The following NELL2 variants were observed in gnomAD, a reference collection of about 807,000 sequenced individuals.
NELL2 encodes the protein protein kinase C-binding protein NELL2.
In NELL2, 41 loss-of-function variants were observed where a neutral mutation model predicts 109.6. That is an observed-to-expected ratio of 0.37 (90% CI 0.29 to 0.49). The LOEUF is 0.49. Ranked by LOEUF, NELL2 falls within the 20% of genes least tolerant of loss-of-function variation. The pLI is 0.98. For missense variants in NELL2, 900 were observed against 1,008.3 expected (o/e 0.89, Z 1.45); for synonymous variants, 355 against 344.7 (o/e 1.03, Z -0.33).
At chr12:44,733,151 T>G (rs2136477791) in intron 9 of NELL2, among the ~76,000 whole-genome samples, 1 of 152,102 alleles carries the variant, frequency 6.6e-6, no homozygotes, top group South Asian at 2.1e-4. Flanking sequence ...GCATAGAGGT[T>G]CCTCAAAAAA....
intron 2 of NELL2, among the ~76,000 whole-genome samples, chr12:44,872,105 T>C (rs1347394020): frequency 6.6e-6 from 1 of 152,162 alleles, no homozygotes; most frequent in Non-Finnish European, 1.5e-5. Flanking sequence ...ATTATGATCA[T>C]TATCTTGGGG....
chr12:44,613,451 T>C (rs1945700860), intron 13 of NELL2, among the ~76,000 whole-genome samples: 1 of 152,168 alleles, frequency 6.6e-6, no homozygotes, highest in African/African-American at 2.4e-5. Context: ...GTTTGCTCAA[T>C]TGTAGACTAC....
chr12:44,879,620 C>T (rs1478213100), upstream of NELL2, among the ~76,000 whole-genome samples: 4 of 151,842 alleles, frequency 2.6e-5, no homozygotes, highest in East Asian at 1.9e-4. Context: ...CAGACTCTAT[C>T]GGGACCCTAA....
intron 5 of NELL2, 21 bp from the exon 6 acceptor site, chr12:44,777,335 A>C (rs746014168): frequency 6.3e-7 from 1 of 1,597,952 alleles, no homozygotes; most frequent in East Asian, 2.2e-5. Flanking sequence ...AAAATAGAAA[A>C]AAAAGACATA....
chr12:44,511,804 C>T (rs946482053), intron 19 of NELL2, among the ~76,000 whole-genome samples: 1 of 152,088 alleles, frequency 6.6e-6, no homozygotes, highest in Non-Finnish European at 1.5e-5. Context: ...TTCTATCTCT[C>T]ACCACCTATA....
At chr12:44,591,933 C>T (rs537373719) in intron 15 of NELL2, among the ~76,000 whole-genome samples, 46 of 151,984 alleles carry the variant, frequency 3.0e-4, no homozygotes, top group Non-Finnish European at 6.0e-4. Flanking sequence ...AGATTAATAA[C>T]AATACAAGGT....
At chr12:44,701,670 C>T (rs1166690420) in intron 12 of NELL2, among the ~76,000 whole-genome samples, 2 of 152,134 alleles carry the variant, frequency 1.3e-5, no homozygotes, top group Non-Finnish European at 2.9e-5. Flanking sequence ...ACTTTCAAAA[C>T]GTACTATGAA....
At chr12:44,878,229 C>T (rs1405650007), upstream of NELL2, among the ~76,000 whole-genome samples, 1 of 152,116 alleles carries the variant, frequency 6.6e-6, no homozygotes, top group Admixed American at 6.6e-5. Flanking sequence ...CACACTGAGG[C>T]TCCCTCCAGA....
intron 15 of NELL2, among the ~76,000 whole-genome samples, chr12:44,570,731 G>A (rs1943835753): frequency 6.6e-6 from 1 of 152,066 alleles, no homozygotes; most frequent in South Asian, 2.1e-4. Flanking sequence ...ATAATACTCT[G>A]TTCATCTCTC....
intron 13 of NELL2, among the ~76,000 whole-genome samples, chr12:44,631,423 T>A (rs1286708877): frequency 6.6e-6 from 1 of 152,042 alleles, no homozygotes; most frequent in African/African-American, 2.4e-5. Context: ...ATACTGATAT[T>A]ATATTTGTGG....
At chr12:44,693,967 G>T (rs1289704895) in intron 12 of NELL2, among the ~76,000 whole-genome samples, 1 of 152,160 alleles carries the variant, frequency 6.6e-6, no homozygotes, top group African/African-American at 2.4e-5. Flanking sequence ...TTGGTTGAAT[G>T]GATAGATGAA....
rs555114140 is a variant in NELL2, at chr12:44,745,111, G to A, written c.994+29636C>T. On this transcript the variant is annotated intron_variant, in intron 9 of 19. Coordinates refer to ENST00000429094, the MANE Select transcript of NELL2 (RefSeq NM_001145108.2). ...ATCGAAAAGCTTATCCACCATAATC[G>A]AGTGGGCTTCATCCCTGGGATGCAA... Among the ~76,000 whole-genome samples, 18 of 152,146 alleles carry A rather than the reference G, an allele frequency of 1.2e-4. No homozygotes were observed. In the South Asian group the frequency reaches 1.9e-3, roughly 16 times the overall value.
At chr12:44,836,405 AG>A (rs980853985) in intron 2 of NELL2, among the ~76,000 whole-genome samples, 5 of 152,232 alleles carry the variant, frequency 3.3e-5, no homozygotes, top group African/African-American at 1.2e-4. Context: ...CTTGGCCTCC[AG>A]GTGAAACCAC....
At chr12:44,747,990 C>A (rs73277251) in intron 9 of NELL2, among the ~76,000 whole-genome samples, 1 of 152,092 alleles carries the variant, frequency 6.6e-6, no homozygotes, top group Non-Finnish European at 1.5e-5. Context: ...GCATCAGAGT[C>A]CAGGCTTTTA....
Position 44,521,992 on chromosome 12 carries a change from A to C in NELL2, c.2175+8T>G. On this transcript the variant is annotated splice_region_variant and intron_variant, in intron 18 of 19. Transcript: ENST00000429094. ...AATTTTCTTTCCACTTCATGTAGCT[A>C]AATTTACCAAGCAGCGGCACTGTTG... 1 of 1,611,542 alleles carries C rather than the reference A, an allele frequency of 6.2e-7. No homozygotes were observed.
Position 44,532,635 on chromosome 12 carries a change from T to G in NELL2, c.1750A>C (p.Arg584=). ...ATCCCATTGTCATGGTAGCCATCTC[T>G]GCACTCACAGTGGTACCATCCAGGC... ...NLPGWYHCEC[R]DGYHDNGMFS... Residue 584 remains arginine (R), a synonymous_variant, in exon 16 of 20, where the codon AGA becomes CGA. Transcript: ENST00000429094. The G allele has an allele frequency of 6.2e-7, 1 of 1,613,736 alleles. No homozygotes were observed. Among genetic ancestry groups the G allele is most frequent in the South Asian group, 1.1e-5 (1 of 91,068 alleles).
rs536227913 is a variant in NELL2 at position 44,592,554 on chromosome 12, T to C, written c.1663+14615A>G. On this transcript the variant is annotated intron_variant, in intron 15 of 19. Transcript: ENST00000429094. ...AGAGAGGAAATGTAAAGATGTGAAA[T>C]TGAGAGCCACAAGGGAGGATAAAAA... is the stretch of plus-strand genomic sequence containing the variant. 2.6e-5 allele frequency among the ~76,000 whole-genome samples: 4 copies of C among 151,722 alleles called. No homozygotes were observed. In the South Asian group the frequency reaches 8.3e-4, roughly 32 times the overall value.
rs868046068 is a variant in NELL2 at position 44,744,498 on chromosome 12, T to C, written c.995-29757A>G. Among the ~76,000 whole-genome samples the C allele has an allele frequency of 4.1e-3, 626 of 152,074 alleles. 5 individuals are homozygous for C. The highest frequency in any genetic ancestry group is 0.014 in the African/African-American group (593 of 41,506). On this transcript the variant is annotated intron_variant, in intron 9 of 19. Transcript: ENST00000429094. ...AGACACAAAAAACCCTTCAAAAAATTAATGAATCCAGGAGCTGGTTTTTTG... is the reference window on the plus strand; with the variant it reads ...AGACACAAAAAACCCTTCAAAAAATCAATGAATCCAGGAGCTGGTTTTTTG...
intron 9 of NELL2, among the ~76,000 whole-genome samples, chr12:44,756,942 A>G (rs1013785975): frequency 1.3e-5 from 2 of 152,146 alleles, no homozygotes; most frequent in Non-Finnish European, 2.9e-5. Flanking sequence ...TCTTCTAAAC[A>G]TCAGACTTAT....
Sources: allele counts gnomAD v4.1 joint callset (sites outside exome capture counted in the v4.1 genomes callset), GRCh38; gene constraint gnomAD v4.1.1; transcripts MANE v1.5; gene names NCBI Gene and HGNC (gene_info 2026-07-23, HGNC 2026-07-21).